Variants in TRIM9 observed in about 807,000 individuals in gnomAD.
TRIM9 encodes E3 ubiquitin-protein ligase TRIM9.
A neutral mutation model predicts 78.3 loss-of-function variants in TRIM9; 26 were observed. The observed-to-expected ratio is 0.33, with a 90% confidence interval of 0.24 to 0.46. TRIM9 has a LOEUF of 0.46. TRIM9 is among the 20% of genes least tolerant of loss of function. TRIM9 has a pLI of 1.00. For synonymous variants in TRIM9, 398 were observed against 416.5 expected (o/e 0.96, Z 0.54); for missense variants, 787 against 1,036.4 (o/e 0.76, Z 3.30).
chr14:51,017,926 GCTC>G (rs1320325604), intron 3 of TRIM9, among the ~76,000 whole-genome samples: 1 of 152,160 alleles, frequency 6.6e-6, no homozygotes, highest in Non-Finnish European at 1.5e-5. Flanking sequence ...TGTGATTTTT[GCTC>G]CTATGTGGTG....
At chr14:51,026,075 G>T (rs370088505) in intron 1 of TRIM9, among the ~76,000 whole-genome samples, 1 of 152,156 alleles carries the variant, frequency 6.6e-6, no homozygotes, top group Non-Finnish European at 1.5e-5. Flanking sequence ...CTCCTCGTCC[G>T]CTGGGGAGGC....
chr14:51,057,783 G>A (rs2140131801), intron 1 of TRIM9, among the ~76,000 whole-genome samples: 1 of 152,226 alleles, frequency 6.6e-6, no homozygotes, highest in South Asian at 2.1e-4. Flanking sequence ...AGAAAAGTAG[G>A]TCAAGCTTAT....
chr14:51,000,831 G>A lies in TRIM9; in HGVS notation c.1316C>T (p.Pro439Leu). The change falls in exon 6 of 13, where the codon CCA becomes CTA. Residue 439 changes from proline (P) to leucine (L), a missense_variant. Pro to Leu is a moderately conservative substitution (Grantham distance 98). Around this residue, in one of 3 missense-constraint regions of TRIM9, gnomAD observed 421 missense variants for 514.3 expected, o/e 0.82. Coordinates refer to ENST00000684578, the MANE Select transcript of TRIM9 (RefSeq NM_001387360.1). ...CTGTAGGATAGGGGTTGCTGGGACTGGAGAGGAAGCTAAACAGAAATTAGT... is the reference window on the plus strand; with the variant it reads ...CTGTAGGATAGGGGTTGCTGGGACTAGAGAGGAAGCTAAACAGAAATTAGT... ...LDFVQVKASS[P>L]VPATPILQLE... 1 of 1,614,120 alleles carries A rather than the reference G, an allele frequency of 6.2e-7. No homozygotes were observed. The highest frequency in any genetic ancestry group is 8.5e-7 in the Non-Finnish European group (1 of 1,179,968).
chr14:51,030,684 AATGTGT>A (rs1178414001), intron 1 of TRIM9, among the ~76,000 whole-genome samples: 3 of 151,948 alleles, frequency 2.0e-5, no homozygotes, highest in African/African-American at 7.3e-5. Flanking sequence ...AGTATGTAAG[AATGTGT>A]ATGTGTATGT....
intron 7 of TRIM9, among the ~76,000 whole-genome samples, chr14:50,988,754 T>C (rs1538616): frequency 0.079 from 12,060 of 152,216 alleles, 624 homozygotes; most frequent in Middle Eastern, 0.18. Flanking sequence ...CCAGCTTAAC[T>C]AAACAAGCAA....
intron 1 of TRIM9, among the ~76,000 whole-genome samples, chr14:51,051,689 G>A (rs373790230): frequency 1.4e-4 from 21 of 152,138 alleles, no homozygotes; most frequent in South Asian, 6.2e-4. Flanking sequence ...GGAATAGGCC[G>A]GGCGCAGTGG....
chr14:51,065,802 T>A (rs2061683669), intron 1 of TRIM9, among the ~76,000 whole-genome samples: 1 of 151,932 alleles, frequency 6.6e-6, no homozygotes, highest in Non-Finnish European at 1.5e-5. Context: ...CTTGGCTCCT[T>A]TAAGCTGCTA....
At chr14:51,080,112 A>G (rs74054042) in intron 1 of TRIM9, among the ~76,000 whole-genome samples, 4,389 of 152,214 alleles carry the variant, frequency 0.029, 151 homozygotes, top group African/African-American at 0.082. Context: ...TCTGTGTGAG[A>G]GGCATAGCAA....
Position 51,093,546 on chromosome 14 carries a change from G to A in TRIM9, c.822+572C>T, listed in dbSNP as rs369966597. ...TTTGAGCACGTGGCACCAGGACCCC[G>A]CGTTCTCTCCAGCTCGAGAGCCAGG... On this transcript the variant is annotated intron_variant, in intron 1 of 12. Coordinates refer to ENST00000684578, the MANE Select transcript of TRIM9 (RefSeq NM_001387360.1). Among the ~76,000 whole-genome samples the A allele has an allele frequency of 6.6e-5, 10 of 152,214 alleles. No homozygotes were observed. The East Asian group carries it at 1.2e-3, about 18-fold the overall frequency.
At chr14:51,030,716 A>C (rs377446070) in intron 1 of TRIM9, among the ~76,000 whole-genome samples, 28 of 151,850 alleles carry the variant, frequency 1.8e-4, no homozygotes, top group African/African-American at 6.0e-4. Context: ...ATTGTATGTG[A>C]GATATGTCAT....
intron 1 of TRIM9, among the ~76,000 whole-genome samples, chr14:51,030,285 C>A (rs1374660289): frequency 6.6e-6 from 1 of 152,192 alleles, no homozygotes; most frequent in Non-Finnish European, 1.5e-5. Context: ...GGTCCTGATT[C>A]CCCCTCTAGG....
chr14:51,012,144 C>G (rs890647153), intron 3 of TRIM9, among the ~76,000 whole-genome samples: 1 of 152,194 alleles, frequency 6.6e-6, no homozygotes, highest in Non-Finnish European at 1.5e-5. Flanking sequence ...TACTTTCACA[C>G]TATTGTGCAA....
intron 11 of TRIM9, 63 bp downstream of exon 11, chr14:50,981,737 G>A (rs1054249016): frequency 3.1e-6 from 5 of 1,593,452 alleles, no homozygotes; most frequent in Non-Finnish European, 4.3e-6. Context: ...TTTTTGAACT[G>A]GGGCTCTCAC....
intron 1 of TRIM9, among the ~76,000 whole-genome samples, chr14:51,069,736 T>C (rs2062049109): frequency 6.6e-6 from 1 of 152,238 alleles, no homozygotes; most frequent in African/African-American, 2.4e-5. Context: ...AAGGCTACAC[T>C]GGACTATAAC....
At chr14:51,092,142 T>C (rs2064405192) in intron 1 of TRIM9, among the ~76,000 whole-genome samples, 1 of 152,174 alleles carries the variant, frequency 6.6e-6, no homozygotes, top group African/African-American at 2.4e-5. Flanking sequence ...GAAATCAAAA[T>C]ATGAATAAAA....
In TRIM9 at chr14:50,981,898, C is replaced by G; in HGVS notation, c.2064G>C (p.Val688=). Reference sequence around the variant, plus strand: ...CTTTTCCTAACATCACATCCTTCATCACGTCCATGCGAGCCACACCAAAGG... The same window carrying G: ...CTTTTCCTAACATCACATCCTTCATGACGTCCATGCGAGCCACACCAAAGG... ...DPAFGVARMD[V]MKDVMLGKDD... Residue 688 remains valine (V), a synonymous_variant, in exon 11 of 13, where the codon GTG becomes GTC. Coordinates refer to ENST00000684578, the MANE Select transcript of TRIM9 (RefSeq NM_001387360.1). 1 of 1,614,168 alleles carries G rather than the reference C, an allele frequency of 6.2e-7. No homozygotes were observed. The highest frequency in any genetic ancestry group is 8.5e-7 in the Non-Finnish European group (1 of 1,180,032).
chr14:51,041,150 A>G (rs1367320715), intron 1 of TRIM9, among the ~76,000 whole-genome samples: 1 of 152,246 alleles, frequency 6.6e-6, no homozygotes, highest in African/African-American at 2.4e-5. Flanking sequence ...TTGCAGCTCC[A>G]GCCTAGGGAA....
chr14:51,089,627 T>G (rs1276491332), intron 1 of TRIM9, among the ~76,000 whole-genome samples: 3 of 152,262 alleles, frequency 2.0e-5, no homozygotes, highest in Non-Finnish European at 4.4e-5. Context: ...TATTTCAGCT[T>G]ACTTAGAGAA....
chr14:51,089,602 C>T (rs781070176), intron 1 of TRIM9, among the ~76,000 whole-genome samples: 2 of 152,120 alleles, frequency 1.3e-5, no homozygotes, highest in Non-Finnish European at 2.9e-5. Flanking sequence ...CTGAAAAAAA[C>T]GGAGCCTTAT....
Sources: allele counts gnomAD v4.1 joint callset (sites outside exome capture counted in the v4.1 genomes callset), GRCh38; gene constraint gnomAD v4.1.1; regional missense constraint gnomAD v4.1.1; transcripts MANE v1.5; gene names NCBI Gene and HGNC (gene_info 2026-07-23, HGNC 2026-07-21).